The following PTPN14 variants were observed in gnomAD, a reference collection of about 807,000 sequenced individuals.
PTPN14 encodes the protein protein tyrosine phosphatase non-receptor type 14.
PTPN14 carries 53 observed loss-of-function variants against 126.8 expected under a neutral mutation model. That is an observed-to-expected ratio of 0.42 (90% CI 0.34 to 0.53). PTPN14 has a LOEUF of 0.53. PTPN14 is among the 20% of genes least tolerant of loss of function. The pLI, the probability that PTPN14 is intolerant of heterozygous loss-of-function variation, is 0.08. For missense variants in PTPN14, 1,257 were observed against 1,552.9 expected (o/e 0.81, Z 3.20); for synonymous variants, 630 against 599.3 (o/e 1.05, Z -0.75).
chr1:214,440,538 T>C (rs1297687333), intron 3 of PTPN14, among the ~76,000 whole-genome samples: 1 of 152,078 alleles, frequency 6.6e-6, no homozygotes, highest in Admixed American at 6.6e-5. Flanking sequence ...CCCTCCGGAG[T>C]GATCTTTACA....
chr1:214,478,288 CA>C (rs1214406347), intron 1 of PTPN14, among the ~76,000 whole-genome samples: 1 of 152,132 alleles, frequency 6.6e-6, no homozygotes, highest in African/African-American at 2.4e-5. Context: ...GGCTATTCTG[CA>C]GTTATTAAAA....
At chr1:214,550,892 G>A (rs1656091302) in intron 1 of PTPN14, among the ~76,000 whole-genome samples, 2 of 152,216 alleles carry the variant, frequency 1.3e-5, no homozygotes. Flanking sequence ...AACGCAGAAG[G>A]GAATGGAGAG....
intron 3 of PTPN14, among the ~76,000 whole-genome samples, chr1:214,427,360 T>A (rs4475717): frequency 1.3e-5 from 2 of 150,680 alleles, no homozygotes; most frequent in Non-Finnish European, 2.9e-5. Flanking sequence ...GAAACCAGCA[T>A]AAAATGTATT....
intron 1 of PTPN14, chr1:214,533,613 C>A (rs561205594): frequency 3.3e-4 from 69 of 206,342 alleles, no homozygotes; most frequent in Non-Finnish European, 5.9e-4. Flanking sequence ...GGGCAGATCA[C>A]GAGGTCAGGA....
chr1:214,472,673 G>C (rs76841861), intron 1 of PTPN14, among the ~76,000 whole-genome samples: 11,282 of 152,240 alleles, frequency 0.074, 519 homozygotes, highest in South Asian at 0.12. Flanking sequence ...GGCTTCTTAA[G>C]AGAGGGTTAA....
chr1:214,416,115 T>A (rs1659420192), intron 3 of PTPN14, among the ~76,000 whole-genome samples: 1 of 152,222 alleles, frequency 6.6e-6, no homozygotes, highest in Admixed American at 6.5e-5. Context: ...CTATCATTCA[T>A]GCACTTTCTA....
chr1:214,482,079 GAC>G (rs1558122954), intron 1 of PTPN14, among the ~76,000 whole-genome samples: 1 of 151,798 alleles, frequency 6.6e-6, no homozygotes, highest in African/African-American at 2.4e-5. Context: ...AACTGATTTG[GAC>G]ACACAAAAAA....
At chr1:214,410,695 A>G (rs1659287985) in intron 5 of PTPN14, among the ~76,000 whole-genome samples, 2 of 152,176 alleles carry the variant, frequency 1.3e-5, no homozygotes, top group African/African-American at 4.8e-5. Context: ...CCCAGCACCA[A>G]TTGCTGAATA....
In PTPN14 at chr1:214,352,870, G is replaced by A. The variant is rs1017434600; in HGVS notation, c.*5052C>T. ...ACCATTGGCAATATAATAAAACACA[G>A]CAGCAGAATAATTGTTGGTAAAACA... On this transcript the variant is annotated 3_prime_UTR_variant, in exon 19 of 19. Transcript: ENST00000366956. The A allele has an allele frequency of 6.6e-6, 1 of 152,188 alleles. No homozygotes were observed. Among genetic ancestry groups the A allele is most frequent in the Non-Finnish European group, 1.5e-5 (1 of 68,030 alleles). 9.4% of individuals were successfully genotyped at this position (152,188 alleles called of 1,614,324 possible).
At chr1:214,518,781 CA>C (rs1377773617) in intron 1 of PTPN14, among the ~76,000 whole-genome samples, 1 of 151,456 alleles carries the variant, frequency 6.6e-6, no homozygotes, top group East Asian at 1.9e-4. Flanking sequence ...TAAACTGAAA[CA>C]AAAAAAGAGG....
At chr1:214,536,714 C>A (rs926100203) in intron 1 of PTPN14, among the ~76,000 whole-genome samples, 17 of 151,160 alleles carry the variant, frequency 1.1e-4, no homozygotes, top group African/African-American at 3.9e-4. Context: ...GATCTTGTCT[C>A]AAAAAAATAA....
intron 8 of PTPN14, among the ~76,000 whole-genome samples, chr1:214,395,486 T>C (rs773958177): frequency 6.6e-6 from 1 of 152,090 alleles, no homozygotes; most frequent in Non-Finnish European, 1.5e-5. Flanking sequence ...TTTCAGGCTA[T>C]AGAATAAACT....
intron 3 of PTPN14, among the ~76,000 whole-genome samples, chr1:214,418,108 G>A (rs896302471): frequency 2.6e-5 from 4 of 152,186 alleles, no homozygotes; most frequent in African/African-American, 9.7e-5. Flanking sequence ...AGCAGGAAGT[G>A]ATTGTTGCTC....
rs1657688369 is a variant in PTPN14 at position 214,350,707 on chromosome 1, A to ATTTTTTTATTTT, written c.*7214_*7215insAAAATAAAAAAA. On this transcript the variant is annotated 3_prime_UTR_variant, in exon 19 of 19. Coordinates refer to ENST00000366956, the MANE Select transcript of PTPN14 (RefSeq NM_005401.5). ...AGGCATGTGCCACCATGCCTGGCTA[A>ATTTTTTTATTTT]TTTTTTTTTTTTTTTTTTTTTTTGT... 1.3e-5 allele frequency: 1 copy of ATTTTTTTATTTT among 74,554 alleles called. No homozygotes were observed. Among genetic ancestry groups the ATTTTTTTATTTT allele is most frequent in the African/African-American group, 6.7e-5 (1 of 14,932 alleles). 4.6% of individuals were successfully genotyped at this position (74,554 alleles called of 1,614,324 possible).
At chr1:214,497,599 T>C (rs897185975) in intron 1 of PTPN14, among the ~76,000 whole-genome samples, 1 of 150,882 alleles carries the variant, frequency 6.6e-6, no homozygotes, top group Admixed American at 6.6e-5. Context: ...ATGATATCAC[T>C]GGAAGCCTAT....
At chr1:214,460,335 A>G (rs1439003546) in intron 2 of PTPN14, among the ~76,000 whole-genome samples, 1 of 152,038 alleles carries the variant, frequency 6.6e-6, no homozygotes, top group Non-Finnish European at 1.5e-5. Flanking sequence ...ACCCTTCAAA[A>G]GCAGACTCCA....
intron 3 of PTPN14, among the ~76,000 whole-genome samples, chr1:214,448,213 A>C (rs1473121697): frequency 1.3e-5 from 2 of 152,150 alleles, no homozygotes; most frequent in Non-Finnish European, 2.9e-5. Context: ...TGAGTGTCAG[A>C]AACACCAGAG....
chr1:214,442,453 A>G (rs1660055257), intron 3 of PTPN14, among the ~76,000 whole-genome samples: 1 of 152,236 alleles, frequency 6.6e-6, no homozygotes, highest in Non-Finnish European at 1.5e-5. Context: ...ACGTATAAGC[A>G]TATCTTGCTT....
chr1:214,384,422 T>C lies in PTPN14; in HGVS notation c.1433A>G (p.Asn478Ser). 2 of 1,614,096 alleles carry C rather than the reference T, an allele frequency of 1.2e-6. No homozygotes were observed. The highest frequency in any genetic ancestry group is 1.7e-6 in the Non-Finnish European group (2 of 1,180,006). ...GCTGTACACCAGATCCTCTGGCTGG[T>C]TGTAGGCATGGGTGTTGATAATGTT... ...NLNIINTHAY[N>S]QPEDLVYSQP... Residue 478 changes from asparagine (N) to serine (S), a missense_variant, in exon 13 of 19, where the codon AAC (asparagine) becomes AGC (serine). Physicochemically the swap from Asn to Ser is conservative, Grantham distance 46. Coordinates refer to ENST00000366956, the MANE Select transcript of PTPN14 (RefSeq NM_005401.5). This position sits in a 1 kb window ranked among gnomAD's most constrained non-coding sequence, Gnocchi z 5.3.
Sources: gnomAD v4.1 joint callset for allele counts (sites outside exome capture counted in the v4.1 genomes callset) on GRCh38, gnomAD v4.1.1 for gene constraint, Gnocchi (gnomAD v3.1) non-coding constraint, MANE v1.5 for transcripts, NCBI Gene and HGNC (gene_info 2026-07-23, HGNC 2026-07-21) for gene names.